The following WDR7 variants were observed in gnomAD, a reference collection of about 807,000 sequenced individuals.
WDR7 encodes the protein WD repeat domain 7.
In WDR7, 46 loss-of-function variants were observed where a neutral mutation model predicts 169.4. The ratio of observed to expected loss-of-function variants is 0.27; its 90% CI spans 0.21 to 0.35. The LOEUF is 0.35. Among genes scored for constraint, WDR7 ranks in the 10% least tolerant of loss-of-function variants. The pLI, the probability that WDR7 is intolerant of heterozygous loss-of-function variation, is 1.00. For synonymous variants in WDR7, 612 were observed against 666.8 expected, an observed-to-expected ratio of 0.92 and a Z score of 1.27; for missense variants, 1,534 against 1,859.3, an observed-to-expected ratio of 0.83 and a Z score of 3.22.
chr18:56,830,053 T>G (rs2045281848), intron 20 of WDR7, among the ~76,000 whole-genome samples: 1 of 152,208 alleles, frequency 6.6e-6, no homozygotes, highest in Non-Finnish European at 1.5e-5. Flanking sequence ...TAGTGTACTG[T>G]CCACATATAC....
At chr18:56,897,003 G>A (rs971686793) in intron 21 of WDR7, among the ~76,000 whole-genome samples, 3 of 151,722 alleles carry the variant, frequency 2.0e-5, no homozygotes, top group South Asian at 2.1e-4. Flanking sequence ...AATGGATAAA[G>A]GTTGAAAAAG....
At chr18:56,887,673 T>G (rs2046214675) in intron 21 of WDR7, among the ~76,000 whole-genome samples, 1 of 152,174 alleles carries the variant, frequency 6.6e-6, no homozygotes, top group Non-Finnish European at 1.5e-5. Flanking sequence ...ACCTATTTTT[T>G]TTTTTCCTCA....
intron 20 of WDR7, among the ~76,000 whole-genome samples, chr18:56,863,860 A>T (rs2045844777): frequency 6.6e-6 from 1 of 151,792 alleles, no homozygotes; most frequent in African/African-American, 2.4e-5. Flanking sequence ...GATGTACCTT[A>T]ACAAGTGAAA....
intron 24 of WDR7, among the ~76,000 whole-genome samples, chr18:56,939,097 A>G (rs1311169400): frequency 6.6e-6 from 1 of 152,124 alleles, no homozygotes; most frequent in Non-Finnish European, 1.5e-5. Flanking sequence ...TGTTGTCTTT[A>G]TTTTATTGCA....
At chr18:56,729,921 A>G (rs987708831) in intron 13 of WDR7, among the ~76,000 whole-genome samples, 2 of 152,198 alleles carry the variant, frequency 1.3e-5, no homozygotes, top group Non-Finnish European at 2.9e-5. Context: ...TATTGCTTCA[A>G]TTTGATTTCT....
In WDR7 at chr18:57,020,931, G is replaced by C. The variant is rs2048280872; in HGVS notation, c.4269+82G>C. On this transcript the variant is annotated intron_variant, in intron 27 of 27. Coordinates refer to ENST00000254442, the MANE Select transcript of WDR7 (RefSeq NM_015285.3). ...GTAAGCCTTCCTGTTGAGCCTACCT[G>C]CCGGCCCTCCTTCCTGTCCTCCCTC... 4.7e-6 allele frequency: 6 copies of C among 1,273,290 alleles called. 1 individual carries two copies. The highest frequency in any genetic ancestry group is 2.3e-6 in the Non-Finnish European group (2 of 888,442). 78.9% of individuals were successfully genotyped at this position (1,273,290 alleles called of 1,614,324 possible). A position where few individuals can be genotyped will look rare whatever the true frequency, so the allele number is the denominator to read the frequency against.
rs1264499857 is a variant in WDR7 at position 57,028,183 on chromosome 18, T to C, written c.*976T>C. 1 of 152,228 alleles carries C rather than the reference T, an allele frequency of 6.6e-6. No homozygotes were observed. Among genetic ancestry groups the C allele is most frequent in the Non-Finnish European group, 1.5e-5 (1 of 68,042 alleles). The allele number at this position is 152,228 out of a possible 1,614,324, so 9.4% of individuals were successfully genotyped here. ...TTATGAAATTATTATAATTCAGCCT[T>C]CAAACTACTACTGATCAACTAAAGG... On this transcript the variant is annotated 3_prime_UTR_variant, in exon 28 of 28. Coordinates refer to ENST00000254442, the MANE Select transcript of WDR7 (RefSeq NM_015285.3).
intron 1 of WDR7, among the ~76,000 whole-genome samples, chr18:56,654,913 C>G (rs1233932694): frequency 1.3e-5 from 2 of 152,138 alleles, no homozygotes; most frequent in South Asian, 4.2e-4. Flanking sequence ...TCTTTCTTCC[C>G]TTTTCCCATA....
intron 1 of WDR7, among the ~76,000 whole-genome samples, chr18:56,665,814 G>A (rs2025008050): frequency 6.6e-6 from 1 of 152,148 alleles, no homozygotes; most frequent in Admixed American, 6.5e-5. Flanking sequence ...GCTTATTAGG[G>A]AGTGCTCTTG....
At chr18:56,915,442 A>T (rs1026039234) in intron 21 of WDR7, among the ~76,000 whole-genome samples, 1 of 152,202 alleles carries the variant, frequency 6.6e-6, no homozygotes, top group African/African-American at 2.4e-5. Flanking sequence ...AAGTGCATAT[A>T]ATATATTCTC....
At chr18:56,697,169 A>G (rs1013949193) in intron 12 of WDR7, among the ~76,000 whole-genome samples, 1 of 152,196 alleles carries the variant, frequency 6.6e-6, no homozygotes, top group Non-Finnish European at 1.5e-5. Flanking sequence ...GTTTGCACAT[A>G]TAGAGACATC....
intron 20 of WDR7, among the ~76,000 whole-genome samples, chr18:56,853,678 T>A (rs2045674832): frequency 6.6e-6 from 1 of 152,176 alleles, no homozygotes; most frequent in Non-Finnish European, 1.5e-5. Context: ...TAACCACTCT[T>A]TTGAATTTTG....
intron 27 of WDR7, among the ~76,000 whole-genome samples, chr18:57,023,374 G>A (rs2048316895): frequency 2.0e-5 from 3 of 152,184 alleles, no homozygotes; most frequent in Admixed American, 6.5e-5. Context: ...CCTTACTAAA[G>A]CTATCAGCTA....
chr18:56,943,299 G>C (rs1386292060), intron 25 of WDR7, among the ~76,000 whole-genome samples: 2 of 151,994 alleles, frequency 1.3e-5, no homozygotes, highest in Non-Finnish European at 1.5e-5. Flanking sequence ...CTGTGGTTCA[G>C]ATATGTGATG....
chr18:56,831,317 A>G lies in WDR7; in HGVS notation c.3304+15173A>G, dbSNP rs377524336. The stretch of plus-strand genomic sequence containing the variant: ...GGGGATGCTAAAGGCAGGCCAGATG[A>G]TGAAAGGCTCTGTTTGTTGGCTGAG... On this transcript the variant is annotated intron_variant, in intron 20 of 27. Coordinates refer to ENST00000254442, the MANE Select transcript of WDR7 (RefSeq NM_015285.3). 3.9e-5 allele frequency among the ~76,000 whole-genome samples: 6 copies of G among 152,076 alleles called. No individual in the cohort carries two copies. In the East Asian group the frequency reaches 7.7e-4, roughly 20 times the overall value.
chr18:56,672,809 A>T, intron 2 of WDR7, 135 bp downstream of exon 2: 1 of 822,886 alleles, frequency 1.2e-6, no homozygotes, highest in Non-Finnish European at 1.7e-6. Context: ...AACTAGTAGT[A>T]TACAGATTCA....
At chr18:56,898,637 C>T (rs1418201124) in intron 21 of WDR7, among the ~76,000 whole-genome samples, 1 of 152,090 alleles carries the variant, frequency 6.6e-6, no homozygotes, top group East Asian at 1.9e-4. Flanking sequence ...AACATCCCAA[C>T]TGAGAGACAT....
At chr18:56,895,944 T>C (rs2046327263) in intron 21 of WDR7, among the ~76,000 whole-genome samples, 1 of 151,786 alleles carries the variant, frequency 6.6e-6, no homozygotes, top group South Asian at 2.1e-4. Flanking sequence ...CAGAGATAAA[T>C]GGAATATATG....
intron 20 of WDR7, among the ~76,000 whole-genome samples, chr18:56,851,745 C>T (rs2045643622): frequency 6.6e-6 from 1 of 152,200 alleles, no homozygotes; most frequent in Admixed American, 6.5e-5. Flanking sequence ...GATTCTTAAT[C>T]TTTCTTCAAT....
Sources: gnomAD v4.1 joint callset for allele counts (sites outside exome capture counted in the v4.1 genomes callset) on GRCh38, gnomAD v4.1.1 for gene constraint, MANE v1.5 for transcripts, NCBI Gene and HGNC (gene_info 2026-07-23, HGNC 2026-07-21) for gene names.